The following BUB1 variants were observed in gnomAD, a reference collection of about 807,000 sequenced individuals.
The protein encoded by BUB1 is BUB1 mitotic checkpoint serine/threonine kinase, also known as mitotic checkpoint serine/threonine-protein kinase BUB1.
In BUB1, 84 loss-of-function variants were observed where a neutral mutation model predicts 135.2. The ratio of observed to expected loss-of-function variants is 0.62; its 90% CI spans 0.52 to 0.74. The LOEUF (loss-of-function observed/expected upper bound fraction) is 0.74, where lower values mean the gene tolerates loss of function less well. Ranked by LOEUF, BUB1 falls within the 30% of genes least tolerant of loss-of-function variation. The probability of loss-of-function intolerance (pLI) is 0.00; values close to 1 mark genes in which losing one functional copy is unlikely to be tolerated. For synonymous variants in BUB1, 403 were observed against 434.4 expected (o/e 0.93, Z 0.90); for missense variants, 1,162 against 1,288.3 (o/e 0.90, Z 1.50).
At position 110,655,824 on chromosome 2, in the gene BUB1, T is replaced by A; in HGVS notation, c.1791A>T (p.Pro597=). The A allele has an allele frequency of 1.2e-6, 2 of 1,614,070 alleles. No individual in the cohort carries two copies. Among genetic ancestry groups the A allele is most frequent in the Non-Finnish European group, 1.7e-6 (2 of 1,179,944 alleles). Residue 597 remains proline, a synonymous_variant, in exon 16 of 25, where the codon CCA becomes CCT. Transcript: ENST00000302759. ...NKTLAPSPKS[P]GDFTSAAQLA... ...GTTGTGCAGCAGATGTGAAGTCTCCTGGGCTCTTAGGACTGGGTGCCAGGG... is the reference window on the plus strand; with the variant it reads ...GTTGTGCAGCAGATGTGAAGTCTCCAGGGCTCTTAGGACTGGGTGCCAGGG...
rs1486535420 is a variant in BUB1, at chr2:110,648,181, G to A, written c.2347+1053C>T. ...ATGAGTGGAAAGGTTTAACGGTGTG[G>A]TACATTCATGCACTAAACATTATTC... On this transcript the variant is annotated intron_variant, in intron 19 of 24. Coordinates refer to ENST00000302759, the MANE Select transcript of BUB1 (RefSeq NM_004336.5). This position sits in a 1 kb window ranked among gnomAD's most constrained non-coding sequence, Gnocchi z 4.2. Among the ~76,000 whole-genome samples, 2 of 151,678 alleles carry A rather than the reference G, an allele frequency of 1.3e-5. No homozygotes were observed. The highest frequency in any genetic ancestry group is 2.9e-5 in the Non-Finnish European group (2 of 67,982).
chr2:110,653,022 G>A (rs1210623724), intron 17 of BUB1, among the ~76,000 whole-genome samples: 1 of 152,118 alleles, frequency 6.6e-6, no homozygotes, highest in African/African-American at 2.4e-5. Context: ...TTTCACTAAG[G>A]AACTTCTGCT....
chr2:110,642,670 A>C (rs2104516177), intron 19 of BUB1: 1 of 152,976 alleles, frequency 6.5e-6, no homozygotes, highest in Non-Finnish European at 1.5e-5. Flanking sequence ...TGGGGGGAAG[A>C]CCACAGAGGT....
At chr2:110,641,960 T>TG (rs1168541522) in intron 20 of BUB1, among the ~76,000 whole-genome samples, 157 bp from the exon 21 acceptor site, 1 of 152,162 alleles carries the variant, frequency 6.6e-6, no homozygotes, top group African/African-American at 2.4e-5. Flanking sequence ...ACAATTTTAG[T>TG]GGGAAAAAAA....
chr2:110,651,213 G>A (rs1689776785), intron 17 of BUB1, among the ~76,000 whole-genome samples: 1 of 152,082 alleles, frequency 6.6e-6, no homozygotes, highest in South Asian at 2.1e-4. Context: ...ATATAGTCAT[G>A]TGCTGCATAA....
Position 110,648,150 on chromosome 2 carries a change from C to G in BUB1, c.2347+1084G>C, listed in dbSNP as rs565346754. On this transcript the variant is annotated intron_variant, in intron 19 of 24. Transcript: ENST00000302759. This position sits in a 1 kb window ranked among gnomAD's most constrained non-coding sequence, Gnocchi z 4.2. The stretch of plus-strand genomic sequence containing the variant: ...ACTTGGAAGTAACCAAGATCTCTTT[C>G]ATTAGATGAGTGGAAAGGTTTAACG... Among the ~76,000 whole-genome samples the G allele has an allele frequency of 4.0e-5, 6 of 151,892 alleles. No individual in the cohort carries two copies. The East Asian group carries it at 7.8e-4, about 20-fold the overall frequency.
chr2:110,652,089 G>A (rs1207563390), intron 17 of BUB1, among the ~76,000 whole-genome samples: 1 of 149,640 alleles, frequency 6.7e-6, no homozygotes, highest in African/African-American at 2.5e-5. Context: ...CACACACACA[G>A]TATACAGTTG....
intron 1 of BUB1, among the ~76,000 whole-genome samples, chr2:110,677,205 A>C (rs1690613970): frequency 6.6e-6 from 1 of 152,262 alleles, no homozygotes; most frequent in South Asian, 2.1e-4. Flanking sequence ...TTCTGAAAGA[A>C]AATAATTTGC....
intron 22 of BUB1, 50 bp downstream of exon 22, chr2:110,641,257 C>T (rs557399376): frequency 6.3e-7 from 1 of 1,584,306 alleles, no homozygotes; most frequent in East Asian, 2.3e-5. Context: ...TGATGAAAGG[C>T]TGCTATGGAA....
At chr2:110,655,944 A>G (rs1237674561) in intron 15 of BUB1, 28 bp from the exon 16 acceptor site, 1 of 1,602,724 alleles carries the variant, frequency 6.2e-7, no homozygotes, top group Non-Finnish European at 8.5e-7. Context: ...ATGAAAAAAA[A>G]GCAGCAATCT....
At chr2:110,655,942 A>C in intron 15 of BUB1, 26 bp from the exon 16 acceptor site, 1 of 1,604,928 alleles carries the variant, frequency 6.2e-7, no homozygotes, top group Non-Finnish European at 8.5e-7. Flanking sequence ...AAATGAAAAA[A>C]AAGCAGCAAT....
chr2:110,659,923 CTG>C, intron 11 of BUB1, 53 bp downstream of exon 11: 1 of 1,498,278 alleles, frequency 6.7e-7, no homozygotes, highest in East Asian at 2.3e-5. Flanking sequence ...AAATACACCT[CTG>C]AGTGATACAG....
intron 1 of BUB1, among the ~76,000 whole-genome samples, chr2:110,677,190 G>T (rs1219646345): frequency 6.6e-6 from 1 of 152,134 alleles, no homozygotes; most frequent in African/African-American, 2.4e-5. Flanking sequence ...AAAGGGGCGG[G>T]GGACTTCTGA....
chr2:110,673,701 C>A (rs568819198), intron 3 of BUB1, among the ~76,000 whole-genome samples: 1 of 152,064 alleles, frequency 6.6e-6, no homozygotes, highest in African/African-American at 2.4e-5. Flanking sequence ...CAGGCTCGAG[C>A]AATTCTCCTG....
intron 9 of BUB1, among the ~76,000 whole-genome samples, chr2:110,664,310 G>A (rs1358549290): frequency 2.6e-5 from 4 of 151,988 alleles, no homozygotes; most frequent in Non-Finnish European, 5.9e-5. Flanking sequence ...CAATACAGCA[G>A]GGAAAAATGA....
At chr2:110,650,952 C>T (rs1308147628) in intron 17 of BUB1, among the ~76,000 whole-genome samples, 168 bp from the exon 18 acceptor site, 1 of 152,008 alleles carries the variant, frequency 6.6e-6, no homozygotes, top group Non-Finnish European at 1.5e-5. Flanking sequence ...TGAAAATATA[C>T]AGCTAGTACA....
intron 14 of BUB1, 60 bp downstream of exon 14, chr2:110,657,486 C>T: frequency 7.8e-7 from 1 of 1,286,050 alleles, no homozygotes; most frequent in Non-Finnish European, 1.1e-6. Flanking sequence ...CACCACCCCA[C>T]CACCTCTGGT....
rs1690299148 is a variant in BUB1, at chr2:110,667,710, A to G, written c.621-5T>C. On this transcript the variant is annotated splice_polypyrimidine_tract_variant and splice_region_variant and intron_variant, in intron 7 of 24. Coordinates refer to ENST00000302759, the MANE Select transcript of BUB1 (RefSeq NM_004336.5). ...ATCGTGATCACTCTTCGTTCCCTAC[A>G]ATGGGGGAAAATACATTATTTACAA... 1 of 1,611,328 alleles carries G rather than the reference A, an allele frequency of 6.2e-7. No homozygotes were observed. The highest frequency in any genetic ancestry group is 8.5e-7 in the Non-Finnish European group (1 of 1,178,964).
At position 110,655,808 on chromosome 2, in the gene BUB1, C is replaced by G; in HGVS notation, c.1807G>C (p.Ala603Pro). The change falls in exon 16 of 25, where the codon GCT becomes CCT. Residue 603 changes from alanine to proline, a missense_variant. By Grantham distance (27) the Ala-to-Pro change is conservative. Coordinates refer to ENST00000302759, the MANE Select transcript of BUB1 (RefSeq NM_004336.5). ...AATGGTGTAGACGCAAGTTGTGCAG[C>G]AGATGTGAAGTCTCCTGGGCTCTTA... ...SPKSPGDFTS[A>P]AQLASTPFHK... 6.2e-7 allele frequency: 1 copy of G among 1,613,990 alleles called. No individual in the cohort carries two copies. The highest frequency in any genetic ancestry group is 8.5e-7 in the Non-Finnish European group (1 of 1,179,922).
Sources: allele counts gnomAD v4.1 joint callset (sites outside exome capture counted in the v4.1 genomes callset), GRCh38; gene constraint gnomAD v4.1.1; non-coding constraint Gnocchi (gnomAD v3.1); transcripts MANE v1.5; gene names NCBI Gene and HGNC (gene_info 2026-07-23, HGNC 2026-07-21).